The following S100Z variants were observed in gnomAD, a reference collection of about 807,000 sequenced individuals.
S100Z encodes the protein protein S100-Z.
Under a neutral mutation model 8.5 loss-of-function variants are expected in S100Z, and 11 were observed. That is an observed-to-expected ratio of 1.30 (90% confidence interval 0.82 to 2.15). S100Z has a LOEUF of 2.15. Among genes scored for constraint, S100Z ranks in the 30% most tolerant of loss-of-function variants. The pLI is 0.00. For missense variants in S100Z, 126 were observed against 117.9 expected (o/e 1.07, Z -0.32); for synonymous variants, 34 against 43.8 (o/e 0.78, Z 0.89).
At chr5:76,894,583 C>T (rs148163258) in intron 4 of S100Z, among the ~76,000 whole-genome samples, 44 of 150,468 alleles carry the variant, frequency 2.9e-4, no homozygotes, top group African/African-American at 9.7e-4. Context: ...GTGACATTGT[C>T]GGTGATTTAA....
chr5:76,919,074 A>G (rs1375707336), intron 4 of S100Z, among the ~76,000 whole-genome samples: 1 of 152,244 alleles, frequency 6.6e-6, no homozygotes, highest in East Asian at 1.9e-4. Context: ...TCCACAGTTC[A>G]TTTATCTAAT....
intron 4 of S100Z, among the ~76,000 whole-genome samples, chr5:76,880,213 G>A (rs560745245): frequency 2.6e-5 from 4 of 152,328 alleles, no homozygotes; most frequent in South Asian, 2.1e-4. Flanking sequence ...ATGGTGGAAT[G>A]TCATGAGTTA....
rs115896393 is a variant in S100Z, at chr5:76,890,717, G to C, written c.*2+12883G>C. Among the ~76,000 whole-genome samples, 951 of 152,256 alleles carry C rather than the reference G, an allele frequency of 6.2e-3. 5 individuals carry two copies. Among genetic ancestry groups the C allele is most frequent in the African/African-American group, 0.021 (893 of 41,552 alleles). On this transcript the variant is annotated intron_variant, in intron 4 of 4. Transcript: ENST00000317593. ...CAAGTTCTGTTTGTGGCATCCCTAG[G>C]GTGTGGGGTGTCCAAGGGCATGAGA...
chr5:76,946,718 T>C, the S100Z span, among the ~76,000 whole-genome samples: 4 of 152,172 alleles, frequency 2.6e-5, no homozygotes, highest in East Asian at 7.7e-4. Context: ...GTTGGTATAA[T>C]TCAATAACAG....
chr5:76,888,559 G>A (rs1458946661), intron 4 of S100Z, among the ~76,000 whole-genome samples: 1 of 151,310 alleles, frequency 6.6e-6, no homozygotes, highest in Non-Finnish European at 1.5e-5. Context: ...TGTATTTTTG[G>A]TAGAGACGAG....
At chr5:76,914,379 C>CACCAATCAGCATTCTGTAAAAACGG (rs1744782119) in intron 4 of S100Z, among the ~76,000 whole-genome samples, 1 of 129,982 alleles carries the variant, frequency 7.7e-6, no homozygotes, top group Non-Finnish European at 1.6e-5. Flanking sequence ...TTTGTAAACA[C>CACCAATCAGCATTCTGTAAAAACGG]ACCAATCAGC....
chr5:76,908,615 C>T (rs1477447286), intron 4 of S100Z, among the ~76,000 whole-genome samples: 1 of 152,178 alleles, frequency 6.6e-6, no homozygotes, highest in East Asian at 1.9e-4. Flanking sequence ...CTGGAATTTT[C>T]AGATCCCTCC....
At chr5:76,881,437 CG>C (rs1743398655) in intron 4 of S100Z, among the ~76,000 whole-genome samples, 1 of 152,102 alleles carries the variant, frequency 6.6e-6, no homozygotes. Flanking sequence ...CAGTCCTGGG[CG>C]GGGGCAAATC....
chr5:76,924,411 C>T (rs1029624792), downstream of S100Z, among the ~76,000 whole-genome samples: 1 of 152,162 alleles, frequency 6.6e-6, no homozygotes, highest in Non-Finnish European at 1.5e-5. Flanking sequence ...TTCAGCAAAG[C>T]TTCAGAGGGT....
intron 1 of S100Z, among the ~76,000 whole-genome samples, chr5:76,860,930 T>C (rs1248412883): frequency 6.6e-6 from 1 of 152,226 alleles, no homozygotes; most frequent in East Asian, 1.9e-4. Flanking sequence ...TCTATTTACA[T>C]TGCACTATTT....
intron 4 of S100Z, among the ~76,000 whole-genome samples, chr5:76,890,105 C>A (rs1333053890): frequency 3.3e-5 from 5 of 152,164 alleles, no homozygotes; most frequent in Non-Finnish European, 2.9e-5. Context: ...CTCACTGCAA[C>A]CTCTGCCTCC....
the S100Z span, among the ~76,000 whole-genome samples, chr5:76,930,224 G>T: frequency 1.3e-5 from 2 of 152,170 alleles, no homozygotes; most frequent in Non-Finnish European, 2.9e-5. Flanking sequence ...TCTGTGATGC[G>T]TGTTAGACAG....
At chr5:76,909,081 C>T (rs945075202) in intron 4 of S100Z, among the ~76,000 whole-genome samples, 1 of 152,110 alleles carries the variant, frequency 6.6e-6, no homozygotes, top group African/African-American at 2.4e-5. Flanking sequence ...GTCCAGGGAC[C>T]ATTGTGGGTT....
the S100Z span, among the ~76,000 whole-genome samples, chr5:76,930,873 T>C: frequency 6.6e-6 from 1 of 151,786 alleles, no homozygotes. Flanking sequence ...TGTGTAGGAG[T>C]CCATTGGAGG....
chr5:76,905,543 G>T (rs1039088620), intron 4 of S100Z, among the ~76,000 whole-genome samples: 5 of 152,088 alleles, frequency 3.3e-5, no homozygotes, highest in African/African-American at 9.7e-5. Flanking sequence ...CTCCTGAGTA[G>T]CTGGGACTAC....
At chr5:76,939,082 C>T in the S100Z span, among the ~76,000 whole-genome samples, 1 of 151,998 alleles carries the variant, frequency 6.6e-6, no homozygotes, top group Non-Finnish European at 1.5e-5. Context: ...CACTATTATT[C>T]TTTGACTGCT....
intron 1 of S100Z, among the ~76,000 whole-genome samples, chr5:76,862,664 C>T (rs542969334): frequency 5.2e-4 from 79 of 152,022 alleles, no homozygotes; most frequent in Middle Eastern, 3.4e-3. Context: ...TAGCTGGGCA[C>T]GGTGGCGCAT....
At chr5:76,917,502 A>G (rs1338039535) in intron 4 of S100Z, among the ~76,000 whole-genome samples, 1 of 152,206 alleles carries the variant, frequency 6.6e-6, no homozygotes, top group Non-Finnish European at 1.5e-5. Flanking sequence ...CCATTCAGCT[A>G]TATGGTTTTC....
intron 4 of S100Z, among the ~76,000 whole-genome samples, chr5:76,898,506 T>A (rs1488707296): frequency 6.6e-6 from 1 of 152,194 alleles, no homozygotes; most frequent in Non-Finnish European, 1.5e-5. Flanking sequence ...AGGGTTTTTA[T>A]CATAAAGGGA....
Sources: allele counts gnomAD v4.1 joint callset (sites outside exome capture counted in the v4.1 genomes callset), GRCh38; gene constraint gnomAD v4.1.1; transcripts MANE v1.5; gene names NCBI Gene and HGNC (gene_info 2026-07-23, HGNC 2026-07-21).